The following IFT81 variants were observed in gnomAD, a reference collection of about 807,000 sequenced individuals.
IFT81 encodes intraflagellar transport protein 81 homolog.
A neutral mutation model predicts 102.6 loss-of-function variants in IFT81; 72 were observed. The ratio of observed to expected loss-of-function variants is 0.70; its 90% CI spans 0.58 to 0.85. The LOEUF is 0.85. Ranked by LOEUF, IFT81 falls within the 40% of genes least tolerant of loss-of-function variation. The pLI is 0.00. For missense variants in IFT81, 723 were observed against 787.3 expected, an observed-to-expected ratio of 0.92 and a Z score of 0.98; for synonymous variants, 237 against 242.7, an observed-to-expected ratio of 0.98 and a Z score of 0.22.
At chr12:110,139,978 A>G (rs1175852995) in intron 8 of IFT81, among the ~76,000 whole-genome samples, 1 of 151,830 alleles carries the variant, frequency 6.6e-6, no homozygotes, top group Non-Finnish European at 1.5e-5. Flanking sequence ...AGGCAGGAAG[A>G]TCACTTGAGC....
chr12:110,134,307 C>T (rs570014102), intron 5 of IFT81, among the ~76,000 whole-genome samples: 1 of 152,180 alleles, frequency 6.6e-6, no homozygotes, highest in South Asian at 2.1e-4. Flanking sequence ...TACTGACTAC[C>T]GTGTATATTT....
At chr12:110,168,549 G>A in intron 11 of IFT81, 1 of 476,158 alleles carries the variant, frequency 2.1e-6, no homozygotes, top group Non-Finnish European at 2.7e-6. Context: ...CCTGTTTATG[G>A]TCTGATTATG....
At chr12:110,188,545 T>A (rs1289188848) in intron 12 of IFT81, among the ~76,000 whole-genome samples, 3 of 151,900 alleles carry the variant, frequency 2.0e-5, no homozygotes, top group Non-Finnish European at 4.4e-5. Context: ...CCATTCTGTC[T>A]TTCCTTGTCT....
At chr12:110,139,664 C>T (rs184537214) in intron 8 of IFT81, among the ~76,000 whole-genome samples, 2,547 of 151,048 alleles carry the variant, frequency 0.017, 34 homozygotes, top group South Asian at 0.054. Flanking sequence ...GTCCCAGCTA[C>T]TTAGGAGGCT....
rs376494715 is a variant in IFT81 at position 110,141,392 on chromosome 12, A to G, written c.782-1990A>G. Among the ~76,000 whole-genome samples, 20 of 152,298 alleles carry G rather than the reference A, an allele frequency of 1.3e-4. No homozygotes were observed. The South Asian group carries it at 3.9e-3, about 30-fold the overall frequency. The stretch of plus-strand genomic sequence containing the variant: ...TCTCTTCCTTTCTCTAATCCTGAAA[A>G]AAGAAGGAATAGTGAAGTAATGAAT... On this transcript the variant is annotated intron_variant, in intron 8 of 18. Coordinates refer to ENST00000242591, the MANE Select transcript of IFT81 (RefSeq NM_014055.4).
chr12:110,132,707 T>C, intron 5 of IFT81, 71 bp downstream of exon 5: 1 of 768,152 alleles, frequency 1.3e-6, no homozygotes, highest in Non-Finnish European at 2.2e-6. Context: ...TTTTATTAAT[T>C]CAGTATGAGT....
At chr12:110,175,354 A>G (rs1896989985) in intron 11 of IFT81, among the ~76,000 whole-genome samples, 1 of 152,220 alleles carries the variant, frequency 6.6e-6, no homozygotes, top group Non-Finnish European at 1.5e-5. Flanking sequence ...TGGCACGTGC[A>G]TGTACCAGAG....
intron 18 of IFT81, among the ~76,000 whole-genome samples, chr12:110,212,042 A>G (rs1425746724): frequency 6.6e-6 from 1 of 152,176 alleles, no homozygotes. Context: ...GTATGACTCA[A>G]TACATTGGTG....
chr12:110,191,970 A>C (rs936115333), intron 13 of IFT81, among the ~76,000 whole-genome samples: 2 of 152,144 alleles, frequency 1.3e-5, no homozygotes, highest in African/African-American at 4.8e-5. Context: ...CAGGAGTTCG[A>C]GACCAGCCTG....
intron 12 of IFT81, among the ~76,000 whole-genome samples, chr12:110,186,562 G>T (rs947690926): frequency 1.3e-5 from 2 of 151,958 alleles, no homozygotes; most frequent in Non-Finnish European, 2.9e-5. Flanking sequence ...TGCCCAGGCT[G>T]GAGTGCAGTG....
At chr12:110,132,391 C>T (rs1272564551) in intron 4 of IFT81, among the ~76,000 whole-genome samples, 156 bp from the exon 5 acceptor site, 4 of 146,432 alleles carry the variant, frequency 2.7e-5, no homozygotes, top group Non-Finnish European at 3.0e-5. Context: ...ATCTGGGAGG[C>T]GGAAGTTGTA....
At chr12:110,188,254 C>G (rs1393132250) in intron 12 of IFT81, among the ~76,000 whole-genome samples, 1 of 151,642 alleles carries the variant, frequency 6.6e-6, no homozygotes, top group African/African-American at 2.4e-5. Flanking sequence ...ATGGCATGAA[C>G]CTGGGAGGCG....
At chr12:110,196,414 G>C (rs1428751716) in intron 14 of IFT81, among the ~76,000 whole-genome samples, 1 of 152,212 alleles carries the variant, frequency 6.6e-6, no homozygotes, top group Non-Finnish European at 1.5e-5. Context: ...CAGCTACTCG[G>C]GAGGCTGAGG....
At chr12:110,207,860 A>G (rs1868879420) in intron 17 of IFT81, among the ~76,000 whole-genome samples, 2 of 152,066 alleles carry the variant, frequency 1.3e-5, no homozygotes, top group Non-Finnish European at 2.9e-5. Context: ...CCTGCTTTAA[A>G]TCTCACATTT....
chr12:110,140,427 T>C (rs1342227782), intron 8 of IFT81, among the ~76,000 whole-genome samples: 1 of 152,190 alleles, frequency 6.6e-6, no homozygotes, highest in Non-Finnish European at 1.5e-5. Flanking sequence ...TGCCTTTCTG[T>C]CCCTCCCCAG....
At position 110,129,036 on chromosome 12, in the gene IFT81, T is replaced by C. The variant is rs1312725660; in HGVS notation, c.335T>C (p.Leu112Pro). Residue 112 changes from leucine (L) to proline (P), a missense_variant, in exon 4 of 19, where the codon CTG (leucine) becomes CCG (proline). Transcript: ENST00000242591. Reference protein sequence around the residue: ...LHWLLQRTNELKKRAYLARFL... With the variant: ...LHWLLQRTNEPKKRAYLARFL... ...TGGCTTCTTCAGAGGACTAATGAACTGAAGAAAAGAGCATATTTAGCTCGT... is the reference window on the plus strand; with the variant it reads ...TGGCTTCTTCAGAGGACTAATGAACCGAAGAAAAGAGCATATTTAGCTCGT... 3.7e-6 allele frequency: 6 copies of C among 1,607,482 alleles called. No individual in the cohort carries two copies. Among genetic ancestry groups the C allele is most frequent in the Admixed American group, 3.5e-5 (2 of 57,896 alleles).
At chr12:110,166,735 G>A (rs1896455833) in intron 11 of IFT81, among the ~76,000 whole-genome samples, 3 of 150,354 alleles carry the variant, frequency 2.0e-5, no homozygotes, top group Admixed American at 2.0e-4. Flanking sequence ...TTCCTATAGT[G>A]CCTTGGAGAT....
At chr12:110,137,593 G>C (rs921752743) in intron 8 of IFT81, among the ~76,000 whole-genome samples, 1 of 151,838 alleles carries the variant, frequency 6.6e-6, no homozygotes, top group African/African-American at 2.4e-5. Flanking sequence ...AAAATTAGCT[G>C]GGCATGATGT....
intron 12 of IFT81, 49 bp from the exon 13 acceptor site, chr12:110,190,871 C>T (rs1897762007): frequency 7.0e-7 from 1 of 1,435,194 alleles, no homozygotes; most frequent in Non-Finnish European, 9.2e-7. Context: ...CTTATGGGAG[C>T]CAGCAAGATT....
Sources: gnomAD v4.1 joint callset for allele counts (sites outside exome capture counted in the v4.1 genomes callset) on GRCh38, gnomAD v4.1.1 for gene constraint, MANE v1.5 for transcripts, NCBI Gene and HGNC (gene_info 2026-07-23, HGNC 2026-07-21) for gene names.